Variants in SAP30BP observed in about 807,000 individuals in gnomAD.
The protein encoded by SAP30BP is SAP30 binding protein, also known as SAP30-binding protein.
In SAP30BP, 31 loss-of-function variants were observed where a neutral mutation model predicts 46.3. The ratio of observed to expected loss-of-function variants is 0.67; its 90% CI spans 0.50 to 0.90. The LOEUF (loss-of-function observed/expected upper bound fraction) is 0.90, where lower values mean the gene tolerates loss of function less well. Ranked by LOEUF, SAP30BP falls within the 40% of genes least tolerant of loss-of-function variation. SAP30BP has a pLI of 0.00. For synonymous variants in SAP30BP, 169 were observed against 144.2 expected, an observed-to-expected ratio of 1.17 and a Z score of -1.23; for missense variants, 312 against 391.0, an observed-to-expected ratio of 0.80 and a Z score of 1.70.
At chr17:75,681,484 A>G (rs112037245) in intron 3 of SAP30BP, among the ~76,000 whole-genome samples, 1 of 151,968 alleles carries the variant, frequency 6.6e-6, no homozygotes, top group Non-Finnish European at 1.5e-5. Flanking sequence ...TCCCTCACCC[A>G]CTCTCCTCTC....
intron 3 of SAP30BP, among the ~76,000 whole-genome samples, chr17:75,690,095 C>T (rs1414787657): frequency 6.6e-6 from 1 of 152,168 alleles, no homozygotes; most frequent in African/African-American, 2.4e-5. Flanking sequence ...AACAGACCTG[C>T]ACATATACCA....
intron 3 of SAP30BP, among the ~76,000 whole-genome samples, chr17:75,678,463 AACACAC>A (rs59943167): frequency 2.0e-4 from 29 of 147,648 alleles, no homozygotes; most frequent in Admixed American, 4.8e-4. Context: ...CACAATTTAA[AACACAC>A]ACACACACAC....
At chr17:75,685,700 C>T (rs901423556) in intron 3 of SAP30BP, among the ~76,000 whole-genome samples, 36 of 152,132 alleles carry the variant, frequency 2.4e-4, no homozygotes, top group Admixed American at 2.0e-4. Context: ...TCTCCAGGCT[C>T]CCCCCAACCC....
At chr17:75,695,976 G>T (rs1385751760) in intron 4 of SAP30BP, among the ~76,000 whole-genome samples, 1 of 152,078 alleles carries the variant, frequency 6.6e-6, no homozygotes, top group East Asian at 1.9e-4. Flanking sequence ...CCCCCAGCTC[G>T]CTCACTCCCT....
chr17:75,694,551 C>T (rs899099851), intron 4 of SAP30BP, among the ~76,000 whole-genome samples: 8 of 152,214 alleles, frequency 5.3e-5, no homozygotes, highest in African/African-American at 1.7e-4. Context: ...TAGAAAGTGA[C>T]GCCTTAGGGG....
At chr17:75,698,348 A>C (rs1271292385) in intron 4 of SAP30BP, among the ~76,000 whole-genome samples, 1 of 152,264 alleles carries the variant, frequency 6.6e-6, no homozygotes, top group African/African-American at 2.4e-5. Context: ...AAAAAGTATC[A>C]TTTATACACA....
At chr17:75,671,545 C>T (rs74416312) in intron 2 of SAP30BP, among the ~76,000 whole-genome samples, 2,246 of 152,310 alleles carry the variant, frequency 0.015, 30 homozygotes, top group Middle Eastern at 0.027. Flanking sequence ...ACTTTGAACT[C>T]GGGCATCTTC....
chr17:75,703,005 G>A, intron 6 of SAP30BP: 1 of 429,874 alleles, frequency 2.3e-6, no homozygotes, highest in Non-Finnish European at 4.2e-6. Flanking sequence ...GTTCAAGCTA[G>A]TGACATACAG....
chr17:75,706,629 C>T lies in SAP30BP; in HGVS notation c.*108C>T. On this transcript the variant is annotated 3_prime_UTR_variant, in exon 11 of 11. Coordinates refer to ENST00000584667, the MANE Select transcript of SAP30BP (RefSeq NM_013260.8). This position sits in a 1 kb window ranked among gnomAD's most constrained non-coding sequence, Gnocchi z 4.6. The stretch of plus-strand genomic sequence containing the variant: ...AGGACTGGGACCTACTCCCCAGATG[C>T]CACCTGAGAGGAGCTTCTGTTTGGC... 1 of 1,036,142 alleles carries T rather than the reference C, an allele frequency of 9.7e-7. No individual in the cohort carries two copies. The allele number at this position is 1,036,142 out of a possible 1,614,324, so 64.2% of individuals were successfully genotyped here.
At chr17:75,698,821 G>T (rs962846552) in intron 4 of SAP30BP, among the ~76,000 whole-genome samples, 1 of 152,180 alleles carries the variant, frequency 6.6e-6, no homozygotes, top group Non-Finnish European at 1.5e-5. Context: ...AGATCATGGC[G>T]CCTCCCTGCT....
At chr17:75,691,274 A>G (rs993012709) in intron 3 of SAP30BP, 5 of 367,278 alleles carry the variant, frequency 1.4e-5, no homozygotes, top group South Asian at 8.4e-5. Context: ...CAGTTTATTT[A>G]TTTCTTAGGC....
chr17:75,694,845 C>T (rs967772156), intron 4 of SAP30BP, among the ~76,000 whole-genome samples: 3 of 152,250 alleles, frequency 2.0e-5, no homozygotes, highest in African/African-American at 4.8e-5. Flanking sequence ...CCCCCAGTTG[C>T]TTCCAGAGCC....
intron 3 of SAP30BP, among the ~76,000 whole-genome samples, chr17:75,681,863 A>G (rs948875077): frequency 2.0e-5 from 3 of 152,082 alleles, no homozygotes; most frequent in Admixed American, 6.6e-5. Context: ...ATTGAAGGAT[A>G]TTTAGGAGGG....
chr17:75,691,189 G>A (rs1232859271), intron 3 of SAP30BP, among the ~76,000 whole-genome samples: 2 of 152,114 alleles, frequency 1.3e-5, no homozygotes, highest in Non-Finnish European at 2.9e-5. Flanking sequence ...CTCTGGGCAT[G>A]CCATGCCCTT....
chr17:75,673,194 A>G (rs1287288718), intron 3 of SAP30BP, among the ~76,000 whole-genome samples: 1 of 152,138 alleles, frequency 6.6e-6, no homozygotes, highest in Non-Finnish European at 1.5e-5. Flanking sequence ...TTACCAGGAA[A>G]GAAAGTTTTG....
intron 3 of SAP30BP, among the ~76,000 whole-genome samples, chr17:75,688,592 G>A (rs1270795790): frequency 6.6e-6 from 1 of 152,072 alleles, no homozygotes; most frequent in Non-Finnish European, 1.5e-5. Context: ...TGACACTGGA[G>A]CTTTGTGGGG....
At chr17:75,672,668 G>A (rs1020174667) in intron 3 of SAP30BP, among the ~76,000 whole-genome samples, 1 of 152,116 alleles carries the variant, frequency 6.6e-6, no homozygotes, top group Non-Finnish European at 1.5e-5. Flanking sequence ...GTTAAAAACT[G>A]CTTTGAGGCC....
chr17:75,677,954 G>A (rs183488744), intron 3 of SAP30BP, among the ~76,000 whole-genome samples: 45 of 152,158 alleles, frequency 3.0e-4, no homozygotes, highest in African/African-American at 1.1e-3. Context: ...TCATGGGTCA[G>A]TGATTCAGTA....
intron 3 of SAP30BP, chr17:75,691,375 A>G (rs751047490): frequency 9.3e-5 from 42 of 453,182 alleles, no homozygotes; most frequent in South Asian, 6.6e-4. Flanking sequence ...ATTTTGCCCC[A>G]TCATCTCTTT....
Sources: gnomAD v4.1 joint callset for allele counts (sites outside exome capture counted in the v4.1 genomes callset) on GRCh38, gnomAD v4.1.1 for gene constraint, Gnocchi (gnomAD v3.1) non-coding constraint, MANE v1.5 for transcripts, NCBI Gene and HGNC (gene_info 2026-07-23, HGNC 2026-07-21) for gene names.